The following CRYBG1 variants were observed in gnomAD, a reference collection of about 807,000 sequenced individuals.
CRYBG1 encodes beta/gamma crystallin domain-containing protein 1.
A neutral mutation model predicts 189.2 loss-of-function variants in CRYBG1; 139 were observed. The observed-to-expected ratio is 0.73, with a 90% CI of 0.64 to 0.85. The LOEUF is 0.85. Ranked by LOEUF, CRYBG1 falls within the 40% of genes least tolerant of loss-of-function variation. The pLI, the probability that CRYBG1 is intolerant of heterozygous loss-of-function variation, is 0.00. For synonymous variants in CRYBG1, 1,023 were observed against 1,017.1 expected (o/e 1.01, Z -0.11); for missense variants, 2,611 against 2,675.8 (o/e 0.98, Z 0.53).
chr6:106,515,816 A>C (rs1773405822), intron 3 of CRYBG1, among the ~76,000 whole-genome samples: 1 of 150,790 alleles, frequency 6.6e-6, no homozygotes, highest in Non-Finnish European at 1.5e-5. Context: ...TTTTTGAGAC[A>C]GGATCTCACT....
At chr6:106,547,540 A>T (rs1019955920) in intron 13 of CRYBG1, among the ~76,000 whole-genome samples, 1 of 152,222 alleles carries the variant, frequency 6.6e-6, no homozygotes, top group Non-Finnish European at 1.5e-5. Context: ...ATGAGCCAAG[A>T]TGATGGAGGA....
intron 3 of CRYBG1, among the ~76,000 whole-genome samples, chr6:106,513,646 T>G (rs941444020): frequency 5.3e-5 from 8 of 152,228 alleles, no homozygotes; most frequent in Admixed American, 5.2e-4. Flanking sequence ...TGAAAAGTAG[T>G]TTTCAGTTAC....
intron 1 of CRYBG1, among the ~76,000 whole-genome samples, chr6:106,409,569 A>C (rs1018926803): frequency 1.3e-5 from 2 of 151,856 alleles, no homozygotes; most frequent in African/African-American, 2.4e-5. Flanking sequence ...TAGCCAAGAC[A>C]ATCCTAAGCA....
chr6:106,368,611 A>G (rs142228620), intron 1 of CRYBG1, among the ~76,000 whole-genome samples: 373 of 152,304 alleles, frequency 2.4e-3, no homozygotes, highest in African/African-American at 8.5e-3. Context: ...TGCCTCATCA[A>G]CATACCTGTA....
Position 106,512,238 on chromosome 6 carries a change from A to ACTTT in CRYBG1, c.1121_1122insCTTT (p.Lys374AsnfsTer12). On this transcript the variant is annotated frameshift_variant, in exon 3 of 22. Coordinates refer to ENST00000633556, the MANE Select transcript of CRYBG1 (RefSeq NM_001371242.2). LOFTEE classifies it high-confidence loss of function. ...CCCAAGGGTCACGCCCACCCTGCTA[A>ACTTT]GGTGCTAACTTTGGACATCTACTTG... The ACTTT allele has an allele frequency of 6.5e-7, 1 of 1,541,678 alleles. No homozygotes were observed. Among genetic ancestry groups the ACTTT allele is most frequent in the East Asian group, 2.4e-5 (1 of 41,396 alleles).
intron 1 of CRYBG1, among the ~76,000 whole-genome samples, chr6:106,407,272 A>G (rs1375029214): frequency 6.6e-6 from 1 of 152,224 alleles, no homozygotes; most frequent in Non-Finnish European, 1.5e-5. Flanking sequence ...GCCAACAAAG[A>G]TCAAAAAAGA....
At chr6:106,374,650 T>A (rs1770111467) in intron 1 of CRYBG1, among the ~76,000 whole-genome samples, 1 of 152,232 alleles carries the variant, frequency 6.6e-6, no homozygotes, top group Non-Finnish European at 1.5e-5. Flanking sequence ...TGAGTGTAAT[T>A]GTTACTGCTA....
chr6:106,549,487 C>T (rs1004347161), intron 13 of CRYBG1, among the ~76,000 whole-genome samples: 1 of 152,108 alleles, frequency 6.6e-6, no homozygotes, highest in African/African-American at 2.4e-5. Flanking sequence ...GCCTGTAATC[C>T]TAGCACTTTA....
At position 106,365,689 on chromosome 6, in the gene CRYBG1, TA is replaced by T. The variant is rs60135896; in HGVS notation, c.173+4615del. Among the ~76,000 whole-genome samples the T allele has an allele frequency of 5.9e-3, 740 of 124,442 alleles. 32 individuals carry two copies. The highest frequency in any genetic ancestry group is 0.017 in the African/African-American group (595 of 34,574). 81.6% of individuals were successfully genotyped at this position (124,442 alleles called of 152,430 possible). ...TTGTTTAAGAACCTGTATTTTTTTTTAAAAAAAGCAGTGAATTAAAAATTAT... is the reference window on the plus strand; with the variant it reads ...TTGTTTAAGAACCTGTATTTTTTTTTAAAAAAGCAGTGAATTAAAAATTAT... On this transcript the variant is annotated intron_variant, in intron 1 of 21. Transcript: ENST00000633556.
At chr6:106,483,402 A>ATATATATATATGTATATATATATATAT (rs1361096436) in intron 2 of CRYBG1, among the ~76,000 whole-genome samples, 1 of 88,306 alleles carries the variant, frequency 1.1e-5, no homozygotes, top group Non-Finnish European at 2.9e-5. Flanking sequence ...ATATATATAT[A>ATATATATATATGTATATATATATATAT]AAACATTTTC....
intron 13 of CRYBG1, among the ~76,000 whole-genome samples, chr6:106,548,985 C>T (rs193200974): frequency 0.033 from 4,824 of 147,026 alleles, 249 homozygotes; most frequent in East Asian, 0.19. Flanking sequence ...TGAGTGAGAA[C>T]ATGCGGTGTT....
chr6:106,519,219 C>T lies in CRYBG1; in HGVS notation c.2011C>T (p.Pro671Ser). 1 of 1,614,064 alleles carries T rather than the reference C, an allele frequency of 6.2e-7. No homozygotes were observed. The highest frequency in any genetic ancestry group is 1.7e-5 in the Admixed American group (1 of 60,004). Residue 671 changes from proline to serine, a missense_variant, in exon 4 of 22, where the codon CCA (proline) becomes TCA (serine). Transcript: ENST00000633556. Reference protein sequence around the residue: ...LGNEHNPFSQPVHKGNTATKI... With the variant: ...LGNEHNPFSQSVHKGNTATKI... ...AAATGAGCACAATCCATTTAGCCAG[C>T]CAGTTCACAAAGGCAACACTGCCAC...
Position 106,451,732 on chromosome 6 carries a change from A to G in CRYBG1, c.212A>G (p.Asp71Gly). Residue 71 changes from aspartate to glycine, a missense_variant, in exon 2 of 22, where the codon GAC becomes GGC. Asp to Gly is a moderately conservative substitution (Grantham distance 94). Transcript: ENST00000633556. ...GTCGATGGAAAATATGTGGTTCGAG[A>G]CTCCCAGGAATTTCCACTGCACTGT... ...DVVDGKYVVRDSQEFPLHCGE... is the reference protein window; with the variant it reads ...DVVDGKYVVRGSQEFPLHCGE... 6.5e-7 allele frequency: 1 copy of G among 1,534,010 alleles called. No individual in the cohort carries two copies. Among genetic ancestry groups the G allele is most frequent in the Non-Finnish European group, 8.7e-7 (1 of 1,146,090 alleles).
chr6:106,374,172 C>T (rs1197763000), intron 1 of CRYBG1, among the ~76,000 whole-genome samples: 1 of 152,106 alleles, frequency 6.6e-6, no homozygotes, highest in African/African-American at 2.4e-5. Context: ...GTCTCACTCC[C>T]CTATCTTCTA....
At chr6:106,484,800 A>G (rs1453001194) in intron 2 of CRYBG1, among the ~76,000 whole-genome samples, 2 of 152,080 alleles carry the variant, frequency 1.3e-5, no homozygotes, top group Admixed American at 1.3e-4. Context: ...AGCCTAGGCA[A>G]TGTAGTGACA....
chr6:106,389,960 G>A (rs1274154336), intron 1 of CRYBG1, among the ~76,000 whole-genome samples: 1 of 151,848 alleles, frequency 6.6e-6, no homozygotes, highest in Non-Finnish European at 1.5e-5. Context: ...TCACCCTTTT[G>A]GCAAAGGATA....
intron 1 of CRYBG1, among the ~76,000 whole-genome samples, chr6:106,365,689 T>TTTTTTTTTTTTTTTTTTTTTTTGAGACGG (rs1491250866): frequency 8.0e-6 from 1 of 124,346 alleles, no homozygotes; most frequent in Non-Finnish European, 1.8e-5. Flanking sequence ...TATTTTTTTT[T>TTTTTTTTTTTTTTTTTTTTTTTGAGACGG]AAAAAAAGCA....
In CRYBG1 at chr6:106,360,799, C is replaced by T; in HGVS notation, c.-110C>T. ...TCCGCGACGAGGGGGCGGGGTCCCACGGCGCGCTGAGAAAGGCGGGCGAGC... is the reference window on the plus strand; with the variant it reads ...TCCGCGACGAGGGGGCGGGGTCCCATGGCGCGCTGAGAAAGGCGGGCGAGC... On this transcript the variant is annotated 5_prime_UTR_variant, in exon 1 of 22. In the 5' UTR this introduces an upstream ATG that the reference lacks. Coordinates refer to ENST00000633556, the MANE Select transcript of CRYBG1 (RefSeq NM_001371242.2). 1 of 1,309,728 alleles carries T rather than the reference C, an allele frequency of 7.6e-7. No individual in the cohort carries two copies. Among genetic ancestry groups the T allele is most frequent in the African/African-American group, 1.6e-5 (1 of 64,378 alleles). The allele number at this position is 1,309,728 out of a possible 1,614,324, so 81.1% of individuals were successfully genotyped here. A position where few individuals can be genotyped will look rare whatever the true frequency, so the allele number is the denominator to read the frequency against.
At chr6:106,507,916 T>C (rs1247548981) in intron 2 of CRYBG1, among the ~76,000 whole-genome samples, 1 of 151,848 alleles carries the variant, frequency 6.6e-6, no homozygotes, top group East Asian at 1.9e-4. Context: ...TGTCAACGAG[T>C]CTATCATTTG....
Sources: allele counts gnomAD v4.1 joint callset (sites outside exome capture counted in the v4.1 genomes callset), GRCh38; gene constraint gnomAD v4.1.1; transcripts MANE v1.5; gene names NCBI Gene and HGNC (gene_info 2026-07-23, HGNC 2026-07-21).